Variants in TSPEAR observed in about 807,000 individuals in gnomAD.
TSPEAR encodes the protein thrombospondin type laminin G domain and EAR repeats, also known as thrombospondin-type laminin G domain and EAR repeat-containing protein.
TSPEAR carries 69 observed loss-of-function variants against 71.6 expected under a neutral mutation model. That is an observed-to-expected ratio of 0.96 (90% CI 0.79 to 1.18). The LOEUF (loss-of-function observed/expected upper bound fraction) is 1.18, where lower values mean the gene tolerates loss of function less well. Ranked by LOEUF, TSPEAR falls within the 50% of genes most tolerant of loss-of-function variation. The pLI, the probability that TSPEAR is intolerant of heterozygous loss-of-function variation, is 0.00. For missense variants in TSPEAR, 971 were observed against 894.9 expected (o/e 1.09, Z -1.09); for synonymous variants, 402 against 387.2 (o/e 1.04, Z -0.45).
chr21:44,588,585 A>G (rs1166711484), intron 1 of TSPEAR, among the ~76,000 whole-genome samples: 3 of 151,532 alleles, frequency 2.0e-5, no homozygotes, highest in Non-Finnish European at 4.4e-5. Context: ...ACGCATGTTT[A>G]TAGCAGCACA....
At chr21:44,556,560 G>A (rs1030035213) in intron 2 of TSPEAR, among the ~76,000 whole-genome samples, 1 of 152,140 alleles carries the variant, frequency 6.6e-6, no homozygotes, top group Non-Finnish European at 1.5e-5. Flanking sequence ...GGGCATGGTG[G>A]CCTGCGCCTG....
intron 10 of TSPEAR, among the ~76,000 whole-genome samples, chr21:44,507,807 C>G (rs759992956): frequency 2.6e-4 from 39 of 152,206 alleles, no homozygotes; most frequent in Non-Finnish European, 4.7e-4. Context: ...GGCGTGGATT[C>G]GTGCTGGGGA....
rs1246386769 is a variant in TSPEAR at position 44,506,954 on chromosome 21, A to G, written c.1755-2073T>C. On this transcript the variant is annotated intron_variant, in intron 10 of 11. Coordinates refer to ENST00000323084, the MANE Select transcript of TSPEAR (RefSeq NM_144991.3). The surrounding 1 kb of genome is among the most constrained non-coding windows in gnomAD (Gnocchi z 4.2). Reference sequence around the variant, plus strand: ...TCACACTCGCTGTAGGACAGATGTTATTCTTCAGAATCACGCCCTCTGGCA... The same window carrying G: ...TCACACTCGCTGTAGGACAGATGTTGTTCTTCAGAATCACGCCCTCTGGCA... The G allele has an allele frequency of 2.0e-5, 3 of 152,238 alleles. No individual in the cohort carries two copies. The highest frequency in any genetic ancestry group is 2.9e-5 in the Non-Finnish European group (2 of 68,058). The allele number at this position is 152,238 out of a possible 1,614,324, so 9.4% of individuals were successfully genotyped here.
intron 2 of TSPEAR, among the ~76,000 whole-genome samples, chr21:44,563,058 A>G (rs2053659605): frequency 6.6e-6 from 1 of 152,232 alleles, no homozygotes; most frequent in East Asian, 1.9e-4. Context: ...TATAACATAT[A>G]GAAATCTAAT....
intron 1 of TSPEAR, chr21:44,628,150 G>C (rs1432510549): frequency 1.3e-5 from 18 of 1,427,222 alleles, no homozygotes; most frequent in Middle Eastern, 2.4e-4. Flanking sequence ...AACACAGAAG[G>C]AGCAGCCCCA....
rs1217225671 is a variant in TSPEAR, at chr21:44,711,283, A to G, written c.82+150T>C. 1.7e-5 allele frequency: 11 copies of G among 651,084 alleles called. No homozygotes were observed. The highest frequency in any genetic ancestry group is 2.6e-5 in the Non-Finnish European group (10 of 380,000). 40.3% of individuals were successfully genotyped at this position (651,084 alleles called of 1,614,324 possible). A position where few individuals can be genotyped will look rare whatever the true frequency, so the allele number is the denominator to read the frequency against. ...ACCTGTGCTCCTCCCGCCTCTGCCC[A>G]TCTCCACAGGGTGCTACCTGCCAGT... On this transcript the variant is annotated intron_variant, in intron 1 of 11. Transcript: ENST00000323084. The surrounding 1 kb of genome is among the most constrained non-coding windows in gnomAD (Gnocchi z 4.5).
chr21:44,697,259 T>C lies in TSPEAR; in HGVS notation c.82+14174A>G, dbSNP rs782230840. On this transcript the variant is annotated intron_variant, in intron 1 of 11. Coordinates refer to ENST00000323084, the MANE Select transcript of TSPEAR (RefSeq NM_144991.3). ...CAGCCGCGTCTGCCTTCCTGGTTCC[T>C]GTGACTCTTGCTCCGACTCCTGGCA... 6 of 1,613,998 alleles carry C rather than the reference T, an allele frequency of 3.7e-6. No homozygotes were observed. Among genetic ancestry groups the C allele is most frequent in the Non-Finnish European group, 5.1e-6 (6 of 1,180,010 alleles).
intron 1 of TSPEAR, chr21:44,654,106 G>A: frequency 1.6e-6 from 1 of 623,366 alleles, no homozygotes; most frequent in Non-Finnish European, 2.9e-6. Flanking sequence ...GTGTAGAAAG[G>A]CGCATGGCCT....
At chr21:44,678,671 A>T (rs1569254783) in intron 1 of TSPEAR, among the ~76,000 whole-genome samples, 1 of 152,240 alleles carries the variant, frequency 6.6e-6, no homozygotes, top group Non-Finnish European at 1.5e-5. Context: ...CAATTGGAAG[A>T]GAGGAAGTCA....
intron 1 of TSPEAR, among the ~76,000 whole-genome samples, chr21:44,609,459 A>G (rs1569217312): frequency 6.6e-6 from 1 of 152,240 alleles, no homozygotes; most frequent in Non-Finnish European, 1.5e-5. Flanking sequence ...GCATCCAGGA[A>G]GTAATGGATC....
rs781893909 is a variant in TSPEAR, at chr21:44,509,185, G to GT, written c.1754+13dup. The GT allele has an allele frequency of 5.0e-6, 8 of 1,611,534 alleles. No homozygotes were observed. Among genetic ancestry groups the GT allele is most frequent in the Non-Finnish European group, 6.8e-6 (8 of 1,178,266 alleles). On this transcript the variant is annotated intron_variant, in intron 10 of 11. Transcript: ENST00000323084. Reference sequence around the variant, plus strand: ...AGATCAGCCCACCTCCCACTGGCCTGTGGAGGCGCATACCTGCAGGTGAGA... The same window carrying GT: ...AGATCAGCCCACCTCCCACTGGCCTGTTGGAGGCGCATACCTGCAGGTGAGA...
At chr21:44,613,879 G>A (rs1981893195) in intron 1 of TSPEAR, among the ~76,000 whole-genome samples, 1 of 152,070 alleles carries the variant, frequency 6.6e-6, no homozygotes, top group Admixed American at 6.5e-5. Context: ...TTCAAGGCTT[G>A]TCCCTAATCT....
intron 1 of TSPEAR, among the ~76,000 whole-genome samples, chr21:44,639,305 G>A (rs930492521): frequency 8.5e-5 from 13 of 152,202 alleles, no homozygotes; most frequent in South Asian, 4.1e-4. Context: ...CACTCTTTCC[G>A]CCAGGTCGCT....
chr21:44,500,756 TC>T (rs1229019326), intron 11 of TSPEAR, among the ~76,000 whole-genome samples: 1 of 152,236 alleles, frequency 6.6e-6, no homozygotes, highest in Non-Finnish European at 1.5e-5. Flanking sequence ...GTTCATCTTT[TC>T]TTCTAAAAAT....
At chr21:44,654,072 C>T in intron 1 of TSPEAR, 1 of 600,110 alleles carries the variant, frequency 1.7e-6, no homozygotes, top group South Asian at 2.0e-5. Context: ...GTGGATGGCC[C>T]AGGCTGTGAA....
chr21:44,629,190 G>A (rs797027615), intron 1 of TSPEAR, among the ~76,000 whole-genome samples: 35 of 152,286 alleles, frequency 2.3e-4, no homozygotes, highest in African/African-American at 7.9e-4. Flanking sequence ...GAGCATAGTC[G>A]GGTTTGGGGG....
Position 44,528,675 on chromosome 21 carries a change from G to A in TSPEAR, c.791-92C>T, listed in dbSNP as rs1163754459. 5 of 1,508,168 alleles carry A rather than the reference G, an allele frequency of 3.3e-6. No homozygotes were observed. In the Admixed American group the frequency reaches 1.1e-4, roughly 32 times the overall value. 93.4% of individuals were successfully genotyped at this position (1,508,168 alleles called of 1,614,324 possible). The stretch of plus-strand genomic sequence containing the variant: ...AGAGGCCCCCAAACCAGGCTGCCCT[G>A]CCTCAGCCTCTGCATGCGGGCCTGG... On this transcript the variant is annotated intron_variant, in intron 5 of 11. Transcript: ENST00000323084.
chr21:44,562,478 T>C (rs587613159), intron 2 of TSPEAR, among the ~76,000 whole-genome samples: 3 of 152,178 alleles, frequency 2.0e-5, no homozygotes, highest in East Asian at 3.9e-4. Context: ...TTAGTAACTT[T>C]CCAAAATTAT....
chr21:44,558,801 G>A, intron 2 of TSPEAR: 2 of 1,512,470 alleles, frequency 1.3e-6, no homozygotes, highest in South Asian at 2.6e-5. Flanking sequence ...GATCGTGCCA[G>A]GCCTCTGAGT....
Sources: gnomAD v4.1 joint callset for allele counts (sites outside exome capture counted in the v4.1 genomes callset) on GRCh38, gnomAD v4.1.1 for gene constraint, Gnocchi (gnomAD v3.1) non-coding constraint, MANE v1.5 for transcripts, NCBI Gene and HGNC (gene_info 2026-07-23, HGNC 2026-07-21) for gene names.